FBXO9: variants seen among roughly 807,000 people sequenced by gnomAD.
The protein encoded by FBXO9 is F-box only protein 9.
FBXO9 carries 43 observed loss-of-function variants against 63.7 expected under a neutral mutation model. That is an observed-to-expected ratio of 0.67 (90% CI 0.53 to 0.87). FBXO9 has a LOEUF of 0.87. FBXO9 is among the 40% of genes least tolerant of loss of function. FBXO9 has a pLI of 0.00. For missense variants in FBXO9, 442 were observed against 533.2 expected (o/e 0.83, Z 1.68); for synonymous variants, 156 against 171.7 (o/e 0.91, Z 0.72).
intron 7 of FBXO9, among the ~76,000 whole-genome samples, chr6:53,089,789 G>A (rs534766128): frequency 1.0e-3 from 154 of 152,300 alleles, no homozygotes; most frequent in African/African-American, 3.5e-3. Context: ...AGGAGGCTCA[G>A]CCTGAAAGAA....
At chr6:53,097,453 A>G (rs1343797655) in intron 12 of FBXO9, among the ~76,000 whole-genome samples, 2 of 149,712 alleles carry the variant, frequency 1.3e-5, no homozygotes, top group Non-Finnish European at 3.0e-5. Flanking sequence ...AAATAATTAA[A>G]TGAAATAAAA....
chr6:53,091,348 A>G (rs1581829227), intron 7 of FBXO9: 1 of 152,188 alleles, frequency 6.6e-6, no homozygotes, highest in Admixed American at 6.5e-5. Flanking sequence ...AATTTTTAGT[A>G]CATCTTTTAC....
At chr6:53,069,628 A>G (rs888364757) in intron 1 of FBXO9, among the ~76,000 whole-genome samples, 1 of 152,214 alleles carries the variant, frequency 6.6e-6, no homozygotes, top group Non-Finnish European at 1.5e-5. Context: ...ATTTATTGAC[A>G]CCTCAGCAAA....
intron 5 of FBXO9, among the ~76,000 whole-genome samples, chr6:53,079,964 G>A (rs1316053969): frequency 6.6e-6 from 1 of 152,116 alleles, no homozygotes; most frequent in Non-Finnish European, 1.5e-5. Context: ...TACTTAAAAT[G>A]AATCACTTGG....
chr6:53,066,757 T>A (rs1385790255), intron 1 of FBXO9, among the ~76,000 whole-genome samples: 1 of 152,254 alleles, frequency 6.6e-6, no homozygotes. Flanking sequence ...GATGAAGACA[T>A]GGACTACTCA....
At chr6:53,087,464 C>T (rs1275746888) in intron 7 of FBXO9, among the ~76,000 whole-genome samples, 1 of 151,828 alleles carries the variant, frequency 6.6e-6, no homozygotes, top group Non-Finnish European at 1.5e-5. Context: ...GAGTTATCAC[C>T]CTAGCCAAGC....
intron 3 of FBXO9, among the ~76,000 whole-genome samples, chr6:53,075,739 T>TATTA (rs1404655473): frequency 9.5e-6 from 1 of 105,356 alleles, no homozygotes; most frequent in African/African-American, 3.9e-5. Context: ...ATATAATTAT[T>TATTA]TTTTTTTTTT....
chr6:53,067,224 A>G (rs1340396924), intron 1 of FBXO9, among the ~76,000 whole-genome samples: 3 of 152,214 alleles, frequency 2.0e-5, no homozygotes, highest in Non-Finnish European at 2.9e-5. Flanking sequence ...ACCTCAGTAG[A>G]TCACCATACC....
intron 7 of FBXO9, among the ~76,000 whole-genome samples, chr6:53,089,073 GT>G (rs1762973842): frequency 1.4e-5 from 2 of 144,174 alleles, no homozygotes; most frequent in South Asian, 4.5e-4. Flanking sequence ...TTTTTTGTTT[GT>G]TTTTGTTTTT....
intron 7 of FBXO9, among the ~76,000 whole-genome samples, chr6:53,084,821 G>T (rs1769429384): frequency 6.6e-6 from 1 of 151,942 alleles, no homozygotes; most frequent in Admixed American, 6.6e-5. Context: ...GATCATATAG[G>T]AATTTCAGAT....
At chr6:53,077,342 G>A (rs1405238742) in intron 4 of FBXO9, among the ~76,000 whole-genome samples, 4 of 150,870 alleles carry the variant, frequency 2.7e-5, no homozygotes, top group Non-Finnish European at 4.5e-5. Context: ...GCGTAGTGGC[G>A]GGCGCCTGTA....
intron 11 of FBXO9, among the ~76,000 whole-genome samples, chr6:53,094,370 A>C (rs974279904): frequency 2.0e-5 from 3 of 152,154 alleles, no homozygotes; most frequent in African/African-American, 7.2e-5. Context: ...TTCAGTTTCT[A>C]CTGGAAATAA....
At chr6:53,081,161 T>C in intron 6 of FBXO9, 63 bp downstream of exon 6, 1 of 1,523,830 alleles carries the variant, frequency 6.6e-7, no homozygotes, top group Non-Finnish European at 8.9e-7. Context: ...TTTCCAAATT[T>C]ATAAGGTCAG....
At chr6:53,066,645 C>T (rs1768709051) in intron 1 of FBXO9, among the ~76,000 whole-genome samples, 3 of 152,186 alleles carry the variant, frequency 2.0e-5, no homozygotes, top group African/African-American at 7.2e-5. Flanking sequence ...ATAGAAAAGG[C>T]AATTGCCCCT....
At chr6:53,070,773 G>A (rs1014396361) in intron 1 of FBXO9, 5 of 371,072 alleles carry the variant, frequency 1.3e-5, no homozygotes, top group African/African-American at 4.0e-5. Flanking sequence ...ATTGATTTTT[G>A]GATGGATGCA....
intron 3 of FBXO9, among the ~76,000 whole-genome samples, chr6:53,074,550 A>G (rs1410802615): frequency 6.6e-6 from 1 of 152,238 alleles, no homozygotes; most frequent in African/African-American, 2.4e-5. Context: ...CAGTTTTATT[A>G]CAAGGTAGCT....
chr6:53,073,550 G>A lies in FBXO9; in HGVS notation c.160G>A (p.Glu54Lys), dbSNP rs761179184. 79 of 1,613,220 alleles carry A rather than the reference G, an allele frequency of 4.9e-5. No individual in the cohort carries two copies. Among genetic ancestry groups the A allele is most frequent in the Non-Finnish European group, 6.5e-5 (77 of 1,179,644 alleles). ...LAPGVSSSNL[E>K]NRPCRAARGS... ...TCCAGGTGTAAGCTCTAGCAATTTA[G>A]AAAATCGACCTTGCAGAGCAGCAAG... is the stretch of plus-strand genomic sequence containing the variant. The change falls in exon 3 of 13, where the codon GAA becomes AAA. Residue 54 changes from glutamate (E) to lysine (K), a missense_variant. This residue lies in a region of FBXO9 where 180 missense variants were observed against 171.1 expected (regional missense o/e 1.05). Transcript: ENST00000323557.
intron 5 of FBXO9, among the ~76,000 whole-genome samples, chr6:53,079,150 A>G (rs1769224468): frequency 6.6e-6 from 1 of 152,238 alleles, no homozygotes; most frequent in Non-Finnish European, 1.5e-5. Flanking sequence ...TAAAAAAATA[A>G]AAGCAGTAGT....
chr6:53,074,510 T>C (rs890592493), intron 3 of FBXO9, among the ~76,000 whole-genome samples: 1 of 152,216 alleles, frequency 6.6e-6, no homozygotes, highest in Non-Finnish European at 1.5e-5. Context: ...CAAGCACTTG[T>C]CTGTGTGTAT....
Sources: allele counts gnomAD v4.1 joint callset (sites outside exome capture counted in the v4.1 genomes callset), GRCh38; gene constraint gnomAD v4.1.1; regional missense constraint gnomAD v4.1.1; transcripts MANE v1.5; gene names NCBI Gene and HGNC (gene_info 2026-07-23, HGNC 2026-07-21).